IL17RA: variants seen among roughly 807,000 people sequenced by gnomAD.
IL17RA encodes the protein interleukin 17 receptor A.
A neutral mutation model predicts 50.4 loss-of-function variants in IL17RA; 34 were observed. The ratio of observed to expected loss-of-function variants is 0.67; its 90% CI spans 0.51 to 0.90. The LOEUF (loss-of-function observed/expected upper bound fraction) is 0.90. Among genes scored for constraint, IL17RA ranks in the 40% least tolerant of loss-of-function variants. The probability of loss-of-function intolerance (pLI) is 0.00; values close to 1 mark genes in which losing one functional copy is unlikely to be tolerated. For synonymous variants in IL17RA, 585 were observed against 510.4 expected, an observed-to-expected ratio of 1.15 and a Z score of -1.97; for missense variants, 1,276 against 1,169.8, an observed-to-expected ratio of 1.09 and a Z score of -1.32.
At chr22:17,100,603 A>G in intron 5 of IL17RA, 122 bp downstream of exon 5, 1 of 1,284,644 alleles carries the variant, frequency 7.8e-7, no homozygotes, top group Non-Finnish European at 1.1e-6. Flanking sequence ...AGCACCTGGG[A>G]CCCACAGAAC....
In IL17RA at chr22:17,108,668, G is replaced by A. The variant is rs780730784; in HGVS notation, c.1449G>A (p.Met483Ile). The A allele has an allele frequency of 1.2e-6, 2 of 1,608,052 alleles. No homozygotes were observed. Among genetic ancestry groups the A allele is most frequent in the South Asian group, 1.1e-5 (1 of 91,068 alleles). ...TGGGGGACCTGTTCACTGCAGCCAT[G>A]AACATGATCCTCCCGGACTTCAAGA... ...KPVGDLFTAA[M>I]NMILPDFKRP... is the part of the protein sequence containing the mutation. Residue 483 changes from methionine (M) to isoleucine (I), a missense_variant, in exon 13 of 13, where the codon ATG (methionine) becomes ATA (isoleucine). By Grantham distance (10) the Met-to-Ile change is conservative. Coordinates refer to ENST00000319363, the MANE Select transcript of IL17RA (RefSeq NM_014339.7).
rs903433161 is a variant in IL17RA, at chr22:17,113,085, G to T, written c.*3265G>T. On this transcript the variant is annotated 3_prime_UTR_variant, in exon 13 of 13. Transcript: ENST00000319363. ...AGGAAGGTCCTTGAAGGTGTTTAGG[G>T]TCTAAAAAGGGTGGTGTTCGGTCTC... 2.0e-5 allele frequency: 3 copies of T among 151,220 alleles called. No individual in the cohort carries two copies. The highest frequency in any genetic ancestry group is 7.3e-5 in the African/African-American group (3 of 41,306). The allele number at this position is 151,220 out of a possible 1,614,324, so 9.4% of individuals were successfully genotyped here. A position where few individuals can be genotyped will look rare whatever the true frequency, so the allele number is the denominator to read the frequency against.
intron 11 of IL17RA, 68 bp from the exon 12 acceptor site, chr22:17,107,659 C>A: frequency 7.4e-7 from 1 of 1,349,464 alleles, no homozygotes; most frequent in Non-Finnish European, 1.1e-6. Flanking sequence ...ATGGGGCAGA[C>A]ACCCTGTGAG....
In IL17RA at chr22:17,097,760, TA is replaced by T. The variant is rs1408354460; in HGVS notation, c.164-36del. The T allele has an allele frequency of 2.5e-6, 4 of 1,613,506 alleles. No homozygotes were observed. In the Admixed American group the frequency reaches 6.7e-5, roughly 27 times the overall value. On this transcript the variant is annotated intron_variant, in intron 2 of 12. Coordinates refer to ENST00000319363, the MANE Select transcript of IL17RA (RefSeq NM_014339.7). ...TGCTGGGGCATCTCAGGGTCTCGGC[TA>T]TAAGTCTCTGAATGTTGCTTTTCCC...
Position 17,108,591 on chromosome 22 carries a change from C to G in IL17RA, c.1372C>G (p.Leu458Val). Residue 458 changes from leucine (L) to valine (V), a missense_variant, in exon 13 of 13, where the codon CTC (leucine) becomes GTC (valine). Transcript: ENST00000319363. ...CGGCACGCGCGCCAAGTGGCAGGCG[C>G]TCCTGGGCCGGGGGGCGCCTGTGCG... ...SRGTRAKWQA[L>V]LGRGAPVRLR... is the part of the protein sequence containing the mutation. The G allele has an allele frequency of 6.2e-7, 1 of 1,605,406 alleles. No individual in the cohort carries two copies. The highest frequency in any genetic ancestry group is 8.5e-7 in the Non-Finnish European group (1 of 1,179,714).
At chr22:17,105,505 C>T (rs1295831051) in intron 9 of IL17RA, 86 bp from the exon 10 acceptor site, 28 of 1,332,274 alleles carry the variant, frequency 2.1e-5, no homozygotes, top group Non-Finnish European at 3.0e-5. Context: ...TCATTAAAGC[C>T]CTCAAGGGAC....
Position 17,097,234 on chromosome 22 carries a change from G to A in IL17RA, c.163+148G>A, listed in dbSNP as rs996561028. 9.2e-6 allele frequency: 7 copies of A among 760,192 alleles called. No individual in the cohort carries two copies. The African/African-American group carries it at 1.2e-4, about 13-fold the overall frequency. 47.1% of individuals were successfully genotyped at this position (760,192 alleles called of 1,614,324 possible). On this transcript the variant is annotated intron_variant, in intron 2 of 12. Transcript: ENST00000319363. Reference sequence around the variant, plus strand: ...GCAGGAGGGTTCCCGGAGAATTGTGGATGCGTGCACCTGCGCTTCCTGTCG... The same window carrying A: ...GCAGGAGGGTTCCCGGAGAATTGTGAATGCGTGCACCTGCGCTTCCTGTCG...
At chr22:17,096,319 G>A (rs1248997352) in intron 1 of IL17RA, among the ~76,000 whole-genome samples, 3 of 152,096 alleles carry the variant, frequency 2.0e-5, no homozygotes, top group Admixed American at 6.5e-5. Context: ...ATAATACCTC[G>A]TCACGATCAC....
In IL17RA at chr22:17,115,435, G is replaced by A. The variant is rs1449922688; in HGVS notation, c.*5615G>A. ...AGCCACAGCTAACGAGAGGCAGAGA[G>A]AGCTCAGGCTCCCAGGAGCTTCCAC... On this transcript the variant is annotated 3_prime_UTR_variant, in exon 13 of 13. Coordinates refer to ENST00000319363, the MANE Select transcript of IL17RA (RefSeq NM_014339.7). 5 of 152,224 alleles carry A rather than the reference G, an allele frequency of 3.3e-5. No homozygotes were observed. The highest frequency in any genetic ancestry group is 7.3e-5 in the Non-Finnish European group (5 of 68,038). 9.4% of individuals were successfully genotyped at this position (152,224 alleles called of 1,614,324 possible).
chr22:17,102,181 C>T lies in IL17RA; in HGVS notation c.641C>T (p.Ala214Val), dbSNP rs558799480. The part of the protein sequence containing the change: ...DPNITVETLE[A>V]HQLRVSFTLW... The stretch of plus-strand genomic sequence containing the variant: ...AACATCACCGTGGAGACCCTGGAGG[C>T]CCACCAGCTGCGTGTGAGCTTCACC... The change falls in exon 7 of 13, where the codon GCC becomes GTC. Residue 214 changes from alanine (A) to valine (V), a missense_variant. Physicochemically the swap from Ala to Val is moderately conservative, Grantham distance 64. Coordinates refer to ENST00000319363, the MANE Select transcript of IL17RA (RefSeq NM_014339.7). 8.8e-5 allele frequency: 142 copies of T among 1,614,162 alleles called. 3 individuals carry two copies. In the South Asian group the frequency reaches 1.5e-3, roughly 17 times the overall value.
At chr22:17,098,631 G>A in intron 3 of IL17RA, 144 bp from the exon 4 acceptor site, 1 of 718,916 alleles carries the variant, frequency 1.4e-6, no homozygotes, top group Non-Finnish European at 2.5e-6. Flanking sequence ...AGAGTGAACT[G>A]AAAGGAACAG....
At position 17,097,922 on chromosome 22, in the gene IL17RA, G is replaced by A. The variant is rs749306401; in HGVS notation, c.289G>A (p.Glu97Lys). The change falls in exon 3 of 13, where the codon GAA becomes AAA. Residue 97 changes from glutamate to lysine, a missense_variant. Physicochemically the swap from Glu to Lys is moderately conservative, Grantham distance 56. Coordinates refer to ENST00000319363, the MANE Select transcript of IL17RA (RefSeq NM_014339.7). ...AGACCTGTTCCCCGTGGCTCACATC[G>A]AATGGACACTGCAGACAGACGGTGA... Reference protein sequence around the residue: ...QGDLFPVAHIEWTLQTDASIL... With the variant: ...QGDLFPVAHIKWTLQTDASIL... 7 of 1,613,946 alleles carry A rather than the reference G, an allele frequency of 4.3e-6. No individual in the cohort carries two copies. The highest frequency in any genetic ancestry group is 2.2e-5 in the East Asian group (1 of 44,890).
rs1463193654 is a variant in IL17RA, at chr22:17,085,063, G to A, written c.-29G>A. The A allele has an allele frequency of 7.7e-7, 1 of 1,295,608 alleles. No individual in the cohort carries two copies. The highest frequency in any genetic ancestry group is 9.8e-7 in the Non-Finnish European group (1 of 1,021,362). The allele number at this position is 1,295,608 out of a possible 1,614,324, so 80.3% of individuals were successfully genotyped here. A position where few individuals can be genotyped will look rare whatever the true frequency, so the allele number is the denominator to read the frequency against. On this transcript the variant is annotated 5_prime_UTR_variant, in exon 1 of 13. Transcript: ENST00000319363. ...TTCGTTCGCTGCGTCCCCAGCCGGG[G>A]CCGAGCCCTCCGCGACGCCAGCCGG...
intron 1 of IL17RA, among the ~76,000 whole-genome samples, chr22:17,088,282 G>A (rs2061335290): frequency 6.6e-6 from 1 of 152,184 alleles, no homozygotes; most frequent in Non-Finnish European, 1.5e-5. Flanking sequence ...CTTGTGGGTA[G>A]AGAATAGTGG....
Position 17,097,258 on chromosome 22 carries a change from C to T in IL17RA, c.163+172C>T, listed in dbSNP as rs138531599. 6.6e-4 allele frequency: 455 copies of T among 687,328 alleles called. 4 individuals carry two copies. The African/African-American group carries it at 6.8e-3, about 10-fold the overall frequency. 42.6% of individuals were successfully genotyped at this position (687,328 alleles called of 1,614,324 possible). ...GGATGCGTGCACCTGCGCTTCCTGT[C>T]GAGAACATTCATTATGCAAAAGTCA... On this transcript the variant is annotated intron_variant, in intron 2 of 12. Transcript: ENST00000319363.
chr22:17,108,197 G>A, intron 12 of IL17RA, 110 bp from the exon 13 acceptor site: 1 of 1,141,290 alleles, frequency 8.8e-7, no homozygotes, highest in East Asian at 2.5e-5. Flanking sequence ...TCTCAGCTTA[G>A]GGAGGGAGCC....
At position 17,113,079 on chromosome 22, in the gene IL17RA, T is replaced by A. The variant is rs1449023663; in HGVS notation, c.*3259T>A. ...CTGCATAGGAAGGTCCTTGAAGGTG[T>A]TTAGGGTCTAAAAAGGGTGGTGTTC... On this transcript the variant is annotated 3_prime_UTR_variant, in exon 13 of 13. Transcript: ENST00000319363. 1 of 149,528 alleles carries A rather than the reference T, an allele frequency of 6.7e-6. No individual in the cohort carries two copies. The highest frequency in any genetic ancestry group is 2.2e-4 in the South Asian group (1 of 4,622). 9.3% of individuals were successfully genotyped at this position (149,528 alleles called of 1,614,324 possible). A position where few individuals can be genotyped will look rare whatever the true frequency, so the allele number is the denominator to read the frequency against.
rs2061433119 is a variant in IL17RA at position 17,109,807 on chromosome 22, G to C, written c.2588G>C (p.Gly863Ala). 4 of 1,549,618 alleles carry C rather than the reference G, an allele frequency of 2.6e-6. No homozygotes were observed. The highest frequency in any genetic ancestry group is 2.4e-5 in the East Asian group (1 of 40,962). Reference sequence around the variant, plus strand: ...GACACGATGGGGTCAGAGTCAGAGGGGCCCAGTGCATGAGGGCGGCTCCCC... The same window carrying C: ...GACACGATGGGGTCAGAGTCAGAGGCGCCCAGTGCATGAGGGCGGCTCCCC... ...GWDTMGSESE[G>A]PSA Residue 863 changes from glycine to alanine, a missense_variant, in exon 13 of 13, where the codon GGG (glycine) becomes GCG (alanine). By Grantham distance (60) the Gly-to-Ala change is moderately conservative (BLOSUM62 0). Coordinates refer to ENST00000319363, the MANE Select transcript of IL17RA (RefSeq NM_014339.7).
intron 1 of IL17RA, among the ~76,000 whole-genome samples, chr22:17,086,526 C>CA (rs1279017659): frequency 1.3e-5 from 2 of 152,142 alleles, no homozygotes; most frequent in East Asian, 3.8e-4. Flanking sequence ...CCTGGGTTGA[C>CA]AGCCATTGGT....
Sources: gnomAD v4.1 joint callset for allele counts (sites outside exome capture counted in the v4.1 genomes callset) on GRCh38, gnomAD v4.1.1 for gene constraint, MANE v1.5 for transcripts, NCBI Gene and HGNC (gene_info 2026-07-23, HGNC 2026-07-21) for gene names.